FSTL5: variants seen among roughly 807,000 people sequenced by gnomAD.
FSTL5 encodes the protein follistatin-related protein 5.
A neutral mutation model predicts 89.1 loss-of-function variants in FSTL5; 62 were observed. The ratio of observed to expected loss-of-function variants is 0.70; its 90% CI spans 0.57 to 0.86. The LOEUF (loss-of-function observed/expected upper bound fraction) is 0.86. Among genes scored for constraint, FSTL5 ranks in the 40% least tolerant of loss-of-function variants. FSTL5 has a pLI of 0.00. For synonymous variants in FSTL5, 383 were observed against 346.2 expected, an observed-to-expected ratio of 1.11 and a Z score of -1.18; for missense variants, 1,057 against 1,001.6, an observed-to-expected ratio of 1.06 and a Z score of -0.75.
intron 4 of FSTL5, among the ~76,000 whole-genome samples, chr4:161,855,136 CTGATT>C (rs1015904453): frequency 1.3e-5 from 2 of 151,714 alleles, no homozygotes; most frequent in Admixed American, 1.3e-4. Flanking sequence ...AGAAGAGAGT[CTGATT>C]AAGCTCTAAT....
chr4:161,941,504 T>C (rs2110924579), intron 3 of FSTL5, among the ~76,000 whole-genome samples: 1 of 152,036 alleles, frequency 6.6e-6, no homozygotes, highest in South Asian at 2.1e-4. Flanking sequence ...GGTTGTATGA[T>C]TATTATACAA....
At chr4:161,409,387 T>A (rs1363199382) in intron 15 of FSTL5, among the ~76,000 whole-genome samples, 1 of 151,890 alleles carries the variant, frequency 6.6e-6, no homozygotes, top group African/African-American at 2.4e-5. Flanking sequence ...TTATTATTAT[T>A]ATTATTATTT....
In FSTL5 at chr4:161,978,754, C is replaced by T. The variant is rs1735734953; in HGVS notation, c.160+54871G>A. On this transcript the variant is annotated intron_variant, in intron 3 of 15. Coordinates refer to ENST00000306100, the MANE Select transcript of FSTL5 (RefSeq NM_020116.5). Reference sequence around the variant, plus strand: ...TTTTGGAGATTATAAAGCCACTTGTCTTCTAGAATTTTCTACAGTCTAGAT... The same window carrying T: ...TTTTGGAGATTATAAAGCCACTTGTTTTCTAGAATTTTCTACAGTCTAGAT... 2.0e-5 allele frequency among the ~76,000 whole-genome samples: 3 copies of T among 151,986 alleles called. No individual in the cohort carries two copies. In the South Asian group the frequency reaches 6.2e-4, roughly 31 times the overall value.
intron 5 of FSTL5, among the ~76,000 whole-genome samples, chr4:161,765,173 A>G (rs1740949442): frequency 6.6e-6 from 1 of 152,214 alleles, no homozygotes; most frequent in African/African-American, 2.4e-5. Flanking sequence ...TGATGGAATT[A>G]TGGGCATTTA....
intron 7 of FSTL5, among the ~76,000 whole-genome samples, chr4:161,596,789 A>C (rs983424435): frequency 6.6e-6 from 1 of 152,232 alleles, no homozygotes; most frequent in South Asian, 2.1e-4. Context: ...CTCTTGAAAA[A>C]GTTTTGAATG....
At chr4:161,789,385 G>T (rs1370538825) in intron 4 of FSTL5, among the ~76,000 whole-genome samples, 1 of 151,956 alleles carries the variant, frequency 6.6e-6, no homozygotes, top group Non-Finnish European at 1.5e-5. Context: ...CTAGCCTTTT[G>T]TGGCCTTTGA....
At chr4:161,902,741 C>T (rs538525702) in intron 4 of FSTL5, among the ~76,000 whole-genome samples, 6 of 152,060 alleles carry the variant, frequency 3.9e-5, no homozygotes, top group South Asian at 2.1e-4. Context: ...CCCAGCTACT[C>T]GGGAAGCTGA....
intron 3 of FSTL5, among the ~76,000 whole-genome samples, chr4:161,999,092 C>A (rs1377551985): frequency 6.6e-6 from 1 of 151,902 alleles, no homozygotes; most frequent in Admixed American, 6.6e-5. Context: ...AGGCCAAGGA[C>A]CAAGGGTAGG....
intron 1 of FSTL5, among the ~76,000 whole-genome samples, chr4:162,156,091 G>T (rs181525921): frequency 3.9e-4 from 59 of 152,142 alleles, no homozygotes; most frequent in Admixed American, 3.5e-3. Flanking sequence ...CAGCTCTGTG[G>T]GCAATACCTT....
chr4:161,546,969 T>A (rs72685744), intron 8 of FSTL5, among the ~76,000 whole-genome samples: 11,325 of 152,052 alleles, frequency 0.074, 534 homozygotes, highest in Middle Eastern at 0.16. Context: ...TGTGGCAAAG[T>A]AATGGTGCAT....
chr4:161,770,333 C>T (rs371730207), intron 5 of FSTL5, among the ~76,000 whole-genome samples: 17 of 151,816 alleles, frequency 1.1e-4, no homozygotes, highest in South Asian at 2.1e-4. Context: ...GTACATTTTC[C>T]GCAACTAGAA....
At chr4:161,744,760 A>C (rs1740137710) in intron 6 of FSTL5, among the ~76,000 whole-genome samples, 1 of 152,110 alleles carries the variant, frequency 6.6e-6, no homozygotes, top group Admixed American at 6.5e-5. Flanking sequence ...TTCGGTTCAA[A>C]CTAACACTTT....
intron 6 of FSTL5, among the ~76,000 whole-genome samples, chr4:161,718,084 CAT>C (rs1170454865): frequency 1.3e-5 from 2 of 150,834 alleles, no homozygotes; most frequent in Non-Finnish European, 3.0e-5. Context: ...TAATAATGTT[CAT>C]GTTTTATTTG....
chr4:161,869,523 T>C (rs911684455), intron 4 of FSTL5, among the ~76,000 whole-genome samples: 5 of 152,316 alleles, frequency 3.3e-5, no homozygotes, highest in African/African-American at 9.6e-5. Flanking sequence ...ATTATGCTAA[T>C]TTCAGCGGTT....
At chr4:161,899,615 T>A (rs557474051) in intron 4 of FSTL5, among the ~76,000 whole-genome samples, 1 of 152,318 alleles carries the variant, frequency 6.6e-6, no homozygotes, top group Admixed American at 6.5e-5. Context: ...GTGTCAGATA[T>A]TATTCTAGGA....
chr4:161,654,623 C>A (rs980977586), intron 7 of FSTL5, among the ~76,000 whole-genome samples: 1 of 152,050 alleles, frequency 6.6e-6, no homozygotes, highest in Non-Finnish European at 1.5e-5. Context: ...TTGATATATT[C>A]TGGGACATTA....
At chr4:161,771,039 T>A (rs2126799913) in intron 5 of FSTL5, among the ~76,000 whole-genome samples, 1 of 152,128 alleles carries the variant, frequency 6.6e-6, no homozygotes, top group South Asian at 2.1e-4. Context: ...GAAAAATTAT[T>A]CCTCTTCTAT....
At chr4:162,123,999 TA>T (rs1432450734) in intron 1 of FSTL5, among the ~76,000 whole-genome samples, 2 of 152,172 alleles carry the variant, frequency 1.3e-5, no homozygotes, top group Admixed American at 1.3e-4. Flanking sequence ...AAATTCTTGA[TA>T]ATCTGTCAAC....
chr4:161,457,777 G>C (rs1326962912), intron 14 of FSTL5, among the ~76,000 whole-genome samples: 1 of 151,930 alleles, frequency 6.6e-6, no homozygotes, highest in Non-Finnish European at 1.5e-5. Flanking sequence ...ATCTTGCAAA[G>C]AGTATACTTA....
Sources: gnomAD v4.1 joint callset for allele counts (sites outside exome capture counted in the v4.1 genomes callset) on GRCh38, gnomAD v4.1.1 for gene constraint, MANE v1.5 for transcripts, NCBI Gene and HGNC (gene_info 2026-07-23, HGNC 2026-07-21) for gene names.